RALYL: variants seen among roughly 807,000 people sequenced by gnomAD.
RALYL encodes the protein RALY RNA binding protein like, also known as RNA-binding Raly-like protein.
Under a neutral mutation model 35.1 loss-of-function variants are expected in RALYL, and 29 were observed. That is an observed-to-expected ratio of 0.83 (90% confidence interval 0.61 to 1.13). The LOEUF (loss-of-function observed/expected upper bound fraction) is 1.13. Among genes scored for constraint, RALYL ranks in the 50% most tolerant of loss-of-function variants. RALYL has a pLI of 0.00. For synonymous variants in RALYL, 120 were observed against 127.6 expected (o/e 0.94, Z 0.40); for missense variants, 359 against 360.4 (o/e 1.00, Z 0.03).
chr8:84,835,305 G>T (rs1009959495), intron 4 of RALYL, among the ~76,000 whole-genome samples: 3 of 152,056 alleles, frequency 2.0e-5, no homozygotes, highest in Non-Finnish European at 4.4e-5. Flanking sequence ...AGCACAGAAA[G>T]TGGAATTTAG....
intron 1 of RALYL, among the ~76,000 whole-genome samples, chr8:84,241,133 C>T (rs1327874493): frequency 6.6e-6 from 1 of 152,074 alleles, no homozygotes. Context: ...CACATACACA[C>T]GTGTACATGA....
chr8:84,322,812 T>A (rs185878637), intron 1 of RALYL, among the ~76,000 whole-genome samples: 153 of 152,248 alleles, frequency 1.0e-3, no homozygotes, highest in African/African-American at 3.3e-3. Flanking sequence ...TTGGCTCTCA[T>A]ATTCCTACCA....
At chr8:84,702,721 A>G (rs951262171) in intron 2 of RALYL, among the ~76,000 whole-genome samples, 5 of 152,076 alleles carry the variant, frequency 3.3e-5, no homozygotes, top group Non-Finnish European at 4.4e-5. Flanking sequence ...AAAAGTATAT[A>G]TCTTATAGGC....
intron 2 of RALYL, among the ~76,000 whole-genome samples, chr8:84,608,246 T>C (rs926857803): frequency 3.3e-5 from 5 of 152,066 alleles, no homozygotes; most frequent in Admixed American, 2.0e-4. Context: ...CGGGATAACC[T>C]AGGGTAAACT....
intron 2 of RALYL, among the ~76,000 whole-genome samples, chr8:84,755,988 T>C (rs572801611): frequency 1.3e-5 from 2 of 152,214 alleles, no homozygotes; most frequent in East Asian, 3.9e-4. Context: ...GCTGATCTTT[T>C]CCAAAAAGGT....
chr8:84,792,871 C>A (rs1821122359), intron 3 of RALYL, among the ~76,000 whole-genome samples: 1 of 152,178 alleles, frequency 6.6e-6, no homozygotes, highest in African/African-American at 2.4e-5. Flanking sequence ...GTCCCATCTG[C>A]CACATCACAT....
intron 2 of RALYL, among the ~76,000 whole-genome samples, chr8:84,638,949 TACACACACACACACAGACACACAC>T (rs1311833755): frequency 8.6e-5 from 7 of 81,404 alleles, no homozygotes; most frequent in African/African-American, 3.5e-4. Context: ...CATATATATG[TACACACACACACACAGACACACAC>T]ACACACACAC....
intron 1 of RALYL, among the ~76,000 whole-genome samples, chr8:84,219,575 TAAA>T (rs34753255): frequency 0.086 from 13,123 of 151,952 alleles, 601 homozygotes; most frequent in Middle Eastern, 0.1. Context: ...AAGTGTAACT[TAAA>T]AATAAATAAG....
intron 2 of RALYL, among the ~76,000 whole-genome samples, chr8:84,641,307 T>A (rs1293610625): frequency 6.6e-6 from 1 of 151,728 alleles, no homozygotes; most frequent in African/African-American, 2.4e-5. Context: ...ATATATTAAC[T>A]AGAATTATTA....
intron 4 of RALYL, among the ~76,000 whole-genome samples, chr8:84,805,640 C>T (rs1824409572): frequency 6.6e-6 from 1 of 152,128 alleles, no homozygotes; most frequent in Admixed American, 6.5e-5. Context: ...GCCAAGATCA[C>T]ACCACTGCAC....
chr8:84,378,387 TTTAA>T (rs1161614436), intron 1 of RALYL, among the ~76,000 whole-genome samples: 2 of 151,876 alleles, frequency 1.3e-5, no homozygotes, highest in African/African-American at 2.4e-5. Flanking sequence ...CATTTGAGAG[TTTAA>T]TTATGTATTT....
intron 1 of RALYL, among the ~76,000 whole-genome samples, chr8:84,470,492 A>T (rs1165585277): frequency 6.6e-6 from 1 of 152,048 alleles, no homozygotes; most frequent in Non-Finnish European, 1.5e-5. Context: ...TGTTGCCAAA[A>T]AAAGCCTTTT....
chr8:84,514,229 T>C (rs1161915104), intron 1 of RALYL, among the ~76,000 whole-genome samples: 1 of 151,498 alleles, frequency 6.6e-6, no homozygotes, highest in Non-Finnish European at 1.5e-5. Context: ...TTGCTACTTC[T>C]AAAAGTAATA....
chr8:84,437,519 T>C (rs1388433152), intron 1 of RALYL, among the ~76,000 whole-genome samples: 1 of 152,152 alleles, frequency 6.6e-6, no homozygotes, highest in African/African-American at 2.4e-5. Context: ...CCAGCATCTG[T>C]TGTTTTTTGA....
chr8:84,676,582 T>G lies in RALYL; in HGVS notation c.257-97997T>G, dbSNP rs535550333. The stretch of plus-strand genomic sequence containing the variant: ...TCCAGAATTTTAGTGTGATCGTGCT[T>G]AATAGCAAATGACCATTTAAGGTCC... On this transcript the variant is annotated intron_variant, in intron 2 of 8. Transcript: ENST00000521268. Among the ~76,000 whole-genome samples the G allele has an allele frequency of 3.9e-5, 6 of 152,242 alleles. No individual in the cohort carries two copies. The East Asian group carries it at 1.2e-3, about 29-fold the overall frequency.
At chr8:84,521,491 T>G (rs897986058) in intron 1 of RALYL, among the ~76,000 whole-genome samples, 4 of 152,348 alleles carry the variant, frequency 2.6e-5, no homozygotes, top group Middle Eastern at 3.4e-3. Flanking sequence ...TTGTGTTGTT[T>G]CATCTGCATG....
intron 1 of RALYL, among the ~76,000 whole-genome samples, chr8:84,255,320 G>A (rs1023857309): frequency 6.6e-6 from 1 of 152,034 alleles, no homozygotes; most frequent in African/African-American, 2.4e-5. Context: ...TAATTTGAAA[G>A]TGCTGAAAAA....
intron 2 of RALYL, among the ~76,000 whole-genome samples, chr8:84,684,816 T>A (rs1024190488): frequency 6.6e-6 from 1 of 152,176 alleles, no homozygotes; most frequent in Non-Finnish European, 1.5e-5. Context: ...TTTATGAAGA[T>A]GTATTAGTTC....
chr8:84,236,694 C>G (rs1826642303), intron 1 of RALYL, among the ~76,000 whole-genome samples: 1 of 152,104 alleles, frequency 6.6e-6, no homozygotes, highest in Non-Finnish European at 1.5e-5. Flanking sequence ...TCCCATCACT[C>G]ACTATACTTT....
Sources: gnomAD v4.1 joint callset for allele counts (sites outside exome capture counted in the v4.1 genomes callset) on GRCh38, gnomAD v4.1.1 for gene constraint, MANE v1.5 for transcripts, NCBI Gene and HGNC (gene_info 2026-07-23, HGNC 2026-07-21) for gene names.